Variants in RNFT2 observed in about 807,000 individuals in gnomAD.
RNFT2 encodes the protein E3 ubiquitin-protein ligase RNFT2.
A neutral mutation model predicts 53.0 loss-of-function variants in RNFT2; 36 were observed. The ratio of observed to expected loss-of-function variants is 0.68; its 90% CI spans 0.52 to 0.90. RNFT2 has a LOEUF of 0.90. Ranked by LOEUF, RNFT2 falls within the 40% of genes least tolerant of loss-of-function variation. The probability of loss-of-function intolerance (pLI) is 0.00; values close to 1 mark genes in which losing one functional copy is unlikely to be tolerated. For missense variants in RNFT2, 514 were observed against 585.6 expected (o/e 0.88, Z 1.26); for synonymous variants, 260 against 253.2 (o/e 1.03, Z -0.26).
intron 7 of RNFT2, among the ~76,000 whole-genome samples, chr12:116,798,213 G>A (rs549106363): frequency 4.3e-4 from 64 of 147,492 alleles, no homozygotes; most frequent in Non-Finnish European, 8.0e-4. Context: ...GAAACAGAAC[G>A]AGACTCTGTC....
chr12:116,836,320 C>G (rs1175244909), intron 10 of RNFT2, 38 bp downstream of exon 10: 4 of 1,518,134 alleles, frequency 2.6e-6, no homozygotes, highest in Non-Finnish European at 3.6e-6. Context: ...GAGACCAAGG[C>G]TGGGGGAGAG....
chr12:116,779,959 T>G (rs1397768354), intron 7 of RNFT2, among the ~76,000 whole-genome samples: 4 of 151,712 alleles, frequency 2.6e-5, no homozygotes, highest in African/African-American at 9.7e-5. Flanking sequence ...ACATAGTGAT[T>G]GCCAGTGGCT....
At chr12:116,813,034 C>T (rs1875464851) in intron 7 of RNFT2, among the ~76,000 whole-genome samples, 1 of 152,222 alleles carries the variant, frequency 6.6e-6, no homozygotes, top group Non-Finnish European at 1.5e-5. Context: ...CGATTCATTG[C>T]AGCCATGACC....
chr12:116,788,368 C>G (rs1222647457), intron 7 of RNFT2, among the ~76,000 whole-genome samples: 1 of 152,212 alleles, frequency 6.6e-6, no homozygotes, highest in Non-Finnish European at 1.5e-5. Context: ...CTAGAGTGGG[C>G]TGCTTGCTGC....
chr12:116,815,298 T>G (rs1411972032), intron 7 of RNFT2, among the ~76,000 whole-genome samples: 1 of 152,210 alleles, frequency 6.6e-6, no homozygotes, highest in Non-Finnish European at 1.5e-5. Context: ...TAGCTTCCTG[T>G]GAGTACTGTA....
At chr12:116,828,025 AG>A (rs1876434385) in intron 7 of RNFT2, among the ~76,000 whole-genome samples, 1 of 152,196 alleles carries the variant, frequency 6.6e-6, no homozygotes, top group Non-Finnish European at 1.5e-5. Context: ...GCCAGCAGGC[AG>A]GGGCTCCCAG....
chr12:116,824,589 C>T (rs1436132189), intron 7 of RNFT2, among the ~76,000 whole-genome samples: 2 of 152,162 alleles, frequency 1.3e-5, no homozygotes, highest in African/African-American at 4.8e-5. Context: ...ATCCAAGTTC[C>T]AGACAGTAGG....
At chr12:116,818,199 T>C (rs1875791622) in intron 7 of RNFT2, among the ~76,000 whole-genome samples, 1 of 151,972 alleles carries the variant, frequency 6.6e-6, no homozygotes, top group African/African-American at 2.4e-5. Context: ...GGCACACACC[T>C]GTGGTCCCAG....
At chr12:116,742,817 G>A (rs1028951645) in intron 3 of RNFT2, among the ~76,000 whole-genome samples, 4 of 152,076 alleles carry the variant, frequency 2.6e-5, no homozygotes, top group South Asian at 2.1e-4. Context: ...GTATGGTGGT[G>A]CATACCTATA....
intron 7 of RNFT2, among the ~76,000 whole-genome samples, chr12:116,796,511 C>G (rs1874511520): frequency 6.6e-6 from 1 of 152,148 alleles, no homozygotes; most frequent in Non-Finnish European, 1.5e-5. Context: ...ATTGGTTTTT[C>G]TCTAAGCACA....
rs1226798439 is a variant in RNFT2, at chr12:116,851,977, G to T, written c.*2529G>T. On this transcript the variant is annotated 3_prime_UTR_variant, in exon 11 of 11. Transcript: ENST00000257575. ...AGCAAACAGGACAACCTATGTTATG[G>T]ATGTTTCCACCAACCAGGGTAGTGG... 3.3e-6 allele frequency: 5 copies of T among 1,499,036 alleles called. No homozygotes were observed. Among genetic ancestry groups the T allele is most frequent in the South Asian group, 1.3e-5 (1 of 76,124 alleles). The allele number at this position is 1,499,036 out of a possible 1,614,324, so 92.9% of individuals were successfully genotyped here.
chr12:116,794,138 A>T (rs542672233), intron 7 of RNFT2, among the ~76,000 whole-genome samples: 3 of 152,190 alleles, frequency 2.0e-5, no homozygotes, highest in Non-Finnish European at 4.4e-5. Flanking sequence ...AGTGTCATGC[A>T]CCTGCAGTCC....
chr12:116,741,931 G>A (rs1442101858), intron 3 of RNFT2, among the ~76,000 whole-genome samples: 2 of 152,092 alleles, frequency 1.3e-5, no homozygotes, highest in Admixed American at 6.6e-5. Flanking sequence ...GATTATAGGT[G>A]TGAACCACTG....
At chr12:116,836,344 C>T in intron 10 of RNFT2, 62 bp downstream of exon 10, 1 of 1,372,356 alleles carries the variant, frequency 7.3e-7, no homozygotes, top group African/African-American at 1.4e-5. Flanking sequence ...GACCCTTCCC[C>T]ATGGGCAGTC....
chr12:116,808,153 G>C (rs1875178798), intron 7 of RNFT2, among the ~76,000 whole-genome samples: 1 of 152,006 alleles, frequency 6.6e-6, no homozygotes. Flanking sequence ...TTGTAGAGAT[G>C]GGGGTTTCAC....
rs561730496 is a variant in RNFT2, at chr12:116,853,330, C to T, written c.*3882C>T. The T allele has an allele frequency of 5.0e-6, 2 of 397,110 alleles. No individual in the cohort carries two copies. Among genetic ancestry groups the T allele is most frequent in the East Asian group, 3.6e-5 (1 of 27,992 alleles). 24.6% of individuals were successfully genotyped at this position (397,110 alleles called of 1,614,324 possible). On this transcript the variant is annotated 3_prime_UTR_variant, in exon 11 of 11. Transcript: ENST00000257575. ...TTATGATTCACTGACTCAAGTTCCA[C>T]GAAGTCCTTAGAAATGGACCTCTTC...
At position 116,852,115 on chromosome 12, in the gene RNFT2, G is replaced by A. The variant is rs868619406; in HGVS notation, c.*2667G>A. On this transcript the variant is annotated 3_prime_UTR_variant, in exon 11 of 11. Transcript: ENST00000257575. ...GGCATGAGATGGCACAGGTGACCAC[G>A]CAGAAGCCACCAGAATCTTGCCTGC... The A allele has an allele frequency of 8.0e-5, 80 of 994,530 alleles. No individual in the cohort carries two copies. In the Middle Eastern group the frequency reaches 2.9e-3, roughly 36 times the overall value. The allele number at this position is 994,530 out of a possible 1,614,324, so 61.6% of individuals were successfully genotyped here. A position where few individuals can be genotyped will look rare whatever the true frequency, so the allele number is the denominator to read the frequency against.
chr12:116,751,720 T>C (rs1251123776), intron 4 of RNFT2, among the ~76,000 whole-genome samples: 1 of 152,066 alleles, frequency 6.6e-6, no homozygotes, highest in Admixed American at 6.6e-5. Flanking sequence ...GTTATTGTTA[T>C]TATTAATCTT....
intron 6 of RNFT2, among the ~76,000 whole-genome samples, chr12:116,772,867 C>T (rs990010076): frequency 2.0e-5 from 3 of 152,070 alleles, no homozygotes; most frequent in Admixed American, 6.5e-5. Context: ...CTTGCTCTGT[C>T]GCCCAGGTTG....
Sources: allele counts gnomAD v4.1 joint callset (sites outside exome capture counted in the v4.1 genomes callset), GRCh38; gene constraint gnomAD v4.1.1; transcripts MANE v1.5; gene names NCBI Gene and HGNC (gene_info 2026-07-23, HGNC 2026-07-21).